The following DDX19A variants were observed in gnomAD, a reference collection of about 807,000 sequenced individuals.
DDX19A encodes DEAD-box helicase 19A, also known as ATP-dependent RNA helicase DDX19A.
DDX19A carries 12 observed loss-of-function variants against 60.6 expected under a neutral mutation model. The ratio of observed to expected loss-of-function variants is 0.20; its 90% confidence interval spans 0.13 to 0.32. The LOEUF (loss-of-function observed/expected upper bound fraction) is 0.32, where lower values mean the gene tolerates loss of function less well. DDX19A is among the 10% of genes least tolerant of loss of function. DDX19A has a pLI of 1.00. For missense variants in DDX19A, 337 were observed against 600.6 expected (o/e 0.56, Z 4.59); for synonymous variants, 206 against 218.2 (o/e 0.94, Z 0.49).
At position 70,366,681 on chromosome 16, in the gene DDX19A, G is replaced by A; in HGVS notation, c.840G>A (p.Val280=). 1 of 1,614,250 alleles carries A rather than the reference G, an allele frequency of 6.2e-7. No homozygotes were observed. Among genetic ancestry groups the A allele is most frequent in the Non-Finnish European group, 8.5e-7 (1 of 1,180,052 alleles). The change falls in exon 9 of 12, where the codon GTG becomes GTA. Residue 280 remains valine (V), a synonymous_variant. Transcript: ENST00000302243. The stretch of plus-strand genomic sequence containing the variant: ...TCTCCGCCACCTTTGAAGACTCTGT[G>A]TGGAAGTTTGCCCAGAAAGTGGTCC... ...LLFSATFEDS[V]WKFAQKVVPD... is the part of the protein sequence containing the mutation.
chr16:70,352,326 C>G (rs1034878380), intron 2 of DDX19A, among the ~76,000 whole-genome samples: 1 of 150,378 alleles, frequency 6.6e-6, no homozygotes, highest in African/African-American at 2.5e-5. Flanking sequence ...TCTCTGTCAC[C>G]CAGGCTGGAG....
rs1300713008 is a variant in DDX19A, at chr16:70,364,535, T to C, written c.387-8T>C. On this transcript the variant is annotated splice_polypyrimidine_tract_variant and splice_region_variant and intron_variant, in intron 5 of 11. Transcript: ENST00000302243. Reference sequence around the variant, plus strand: ...TTTAAGTTTCATTTCTGTTCTTCCTTGATCCAGCCCACAGAATCTGATTGC... The same window carrying C: ...TTTAAGTTTCATTTCTGTTCTTCCTCGATCCAGCCCACAGAATCTGATTGC... 2 of 1,605,862 alleles carry C rather than the reference T, an allele frequency of 1.2e-6. No individual in the cohort carries two copies. The highest frequency in any genetic ancestry group is 2.7e-5 in the African/African-American group (2 of 74,772).
intron 10 of DDX19A, 95 bp from the exon 11 acceptor site, chr16:70,371,277 A>C: frequency 6.2e-7 from 1 of 1,609,430 alleles, no homozygotes; most frequent in South Asian, 1.1e-5. Context: ...CTTTCCCTCT[A>C]TCCCAAAGTT....
At chr16:70,365,207 C>G (rs1485319561) in intron 7 of DDX19A, 76 bp downstream of exon 7, 4 of 956,272 alleles carry the variant, frequency 4.2e-6, no homozygotes, top group Non-Finnish European at 6.7e-6. Context: ...ATGCGATGAC[C>G]GTATTCAACT....
At chr16:70,365,646 A>T in intron 7 of DDX19A, 1 of 210,822 alleles carries the variant, frequency 4.7e-6, no homozygotes, top group Admixed American at 5.3e-5. Context: ...CAAGCGTGGA[A>T]GTGCCAGCTT....
At position 70,347,200 on chromosome 16, in the gene DDX19A, A is replaced by G. The variant is rs1035115141; in HGVS notation, c.57+152A>G. 8 of 731,976 alleles carry G rather than the reference A, an allele frequency of 1.1e-5. No individual in the cohort carries two copies. In the African/African-American group the frequency reaches 1.4e-4, roughly 13 times the overall value. 45.3% of individuals were successfully genotyped at this position (731,976 alleles called of 1,614,324 possible). On this transcript the variant is annotated intron_variant, in intron 1 of 11. Transcript: ENST00000302243. ...TCACTTGCCCTTGATTTGCTCTTAG[A>G]GCTAAAGAGACCAATGTCGAGCTTT...
intron 1 of DDX19A, among the ~76,000 whole-genome samples, chr16:70,347,648 CT>C (rs1963876177): frequency 6.6e-6 from 1 of 152,086 alleles, no homozygotes; most frequent in Admixed American, 6.6e-5. Context: ...AAGACCTAAA[CT>C]TTAGGTTTGT....
In DDX19A at chr16:70,346,984, C is replaced by T. The variant is rs1160736352; in HGVS notation, c.-8C>T. 1 of 1,611,808 alleles carries T rather than the reference C, an allele frequency of 6.2e-7. No individual in the cohort carries two copies. The highest frequency in any genetic ancestry group is 8.5e-7 in the Non-Finnish European group (1 of 1,179,498). ...ATTTTCACAAGTGGGTCTCCCTTGT[C>T]CGGGACTATGGCCACCGACTCGTGG... On this transcript the variant is annotated 5_prime_UTR_variant, in exon 1 of 12. Transcript: ENST00000302243.
rs371171153 is a variant in DDX19A, at chr16:70,365,373, T to G, written c.604+242T>G. 4.5e-5 allele frequency: 14 copies of G among 311,090 alleles called. 1 individual carries two copies. Among genetic ancestry groups the G allele is most frequent in the East Asian group, 2.0e-4 (3 of 14,826 alleles). The allele number at this position is 311,090 out of a possible 1,614,324, so 19.3% of individuals were successfully genotyped here. On this transcript the variant is annotated intron_variant, in intron 7 of 11. Transcript: ENST00000302243. ...CGCATGGCTCACAGAGTTCTTAATA[T>G]CTAGAGTTCTTCGCTCAGAAGGTAG...
In DDX19A at chr16:70,366,875, G is replaced by A. The variant is rs770988421; in HGVS notation, c.1020+14G>A. The A allele has an allele frequency of 6.2e-7, 1 of 1,613,900 alleles. No homozygotes were observed. On this transcript the variant is annotated intron_variant, in intron 9 of 11. Coordinates refer to ENST00000302243, the MANE Select transcript of DDX19A (RefSeq NM_018332.5). ...ATCTTCTGCCATGTGAGTAGCAGCG[G>A]CAGTGGCAGGCCTGGCCCCTCCCTC... is the stretch of plus-strand genomic sequence containing the variant.
chr16:70,364,768 G>A, intron 6 of DDX19A, 123 bp downstream of exon 6: 1 of 766,920 alleles, frequency 1.3e-6, no homozygotes, highest in South Asian at 1.6e-5. Context: ...GGCAGAGCAA[G>A]TTCCTACACC....
intron 5 of DDX19A, among the ~76,000 whole-genome samples, chr16:70,362,762 TG>T (rs1335739253): frequency 6.6e-6 from 1 of 151,970 alleles, no homozygotes; most frequent in African/African-American, 2.4e-5. Flanking sequence ...AAAACTTTTT[TG>T]TAGTTTGAGA....
intron 10 of DDX19A, 138 bp from the exon 11 acceptor site, chr16:70,371,232 CCT>C: frequency 6.8e-7 from 1 of 1,462,758 alleles, no homozygotes; most frequent in South Asian, 1.3e-5. Context: ...ATATGTGTGC[CCT>C]CTCTTGTACC....
intron 1 of DDX19A, among the ~76,000 whole-genome samples, chr16:70,350,335 A>G (rs1963973292): frequency 1.3e-5 from 2 of 152,096 alleles, no homozygotes; most frequent in Admixed American, 6.6e-5. Flanking sequence ...CAACCATTAT[A>G]TTTAGTCCAC....
chr16:70,354,364 C>T (rs1964121169), intron 2 of DDX19A, among the ~76,000 whole-genome samples: 1 of 152,116 alleles, frequency 6.6e-6, no homozygotes, highest in African/African-American at 2.4e-5. Context: ...TCAGGCTGGT[C>T]TCAAACTCCC....
At chr16:70,351,561 G>A (rs925241964) in intron 2 of DDX19A, among the ~76,000 whole-genome samples, 1 of 151,316 alleles carries the variant, frequency 6.6e-6, no homozygotes, top group Non-Finnish European at 1.5e-5. Flanking sequence ...GTCTCACTCT[G>A]CCACGCAGGC....
At chr16:70,352,461 T>C (rs1042086374) in intron 2 of DDX19A, among the ~76,000 whole-genome samples, 2 of 151,708 alleles carry the variant, frequency 1.3e-5, no homozygotes, top group African/African-American at 4.8e-5. Context: ...ATTTTTGTAT[T>C]TTTAGTGGAG....
chr16:70,367,153 G>C (rs1029439292), intron 9 of DDX19A, among the ~76,000 whole-genome samples: 19 of 152,176 alleles, frequency 1.2e-4, no homozygotes, highest in African/African-American at 4.6e-4. Flanking sequence ...AGATGGCCGG[G>C]TACGGTGGCT....
intron 4 of DDX19A, among the ~76,000 whole-genome samples, chr16:70,357,232 C>T (rs1263396094): frequency 7.0e-6 from 1 of 143,010 alleles, no homozygotes; most frequent in Non-Finnish European, 1.5e-5. Context: ...GCACTCCAGC[C>T]TGGGCAACAG....
Sources: allele counts gnomAD v4.1 joint callset (sites outside exome capture counted in the v4.1 genomes callset), GRCh38; gene constraint gnomAD v4.1.1; transcripts MANE v1.5; gene names NCBI Gene and HGNC (gene_info 2026-07-23, HGNC 2026-07-21).